DCLK2: variants seen among roughly 807,000 people sequenced by gnomAD.
The protein encoded by DCLK2 is doublecortin like kinase 2, also known as serine/threonine-protein kinase DCLK2.
In DCLK2, 31 loss-of-function variants were observed where a neutral mutation model predicts 78.4. The observed-to-expected ratio is 0.40, with a 90% CI of 0.30 to 0.53. The LOEUF (loss-of-function observed/expected upper bound fraction) is 0.53. Among genes scored for constraint, DCLK2 ranks in the 20% least tolerant of loss-of-function variants. DCLK2 has a pLI of 0.61. For missense variants in DCLK2, 872 were observed against 973.7 expected (o/e 0.90, Z 1.39); for synonymous variants, 407 against 374.9 (o/e 1.09, Z -0.99).
chr4:150,080,258 G>A (rs548967910), intron 1 of DCLK2, among the ~76,000 whole-genome samples: 1 of 152,222 alleles, frequency 6.6e-6, no homozygotes, highest in East Asian at 1.9e-4. Context: ...GAATGATAGA[G>A]GCCATTGGAT....
In DCLK2 at chr4:150,256,547, C is replaced by T; in HGVS notation, c.*300C>T. Reference sequence around the variant, plus strand: ...CAGTTTGTTGGACATTTTACAGCTTCACCAGGAGAATGTGCAACTTTATTC... The same window carrying T: ...CAGTTTGTTGGACATTTTACAGCTTTACCAGGAGAATGTGCAACTTTATTC... On this transcript the variant is annotated 3_prime_UTR_variant, in exon 16 of 16. Transcript: ENST00000296550. 2.7e-6 allele frequency: 1 copy of T among 368,156 alleles called. No individual in the cohort carries two copies. Among genetic ancestry groups the T allele is most frequent in the Non-Finnish European group, 4.8e-6 (1 of 206,610 alleles). The allele number at this position is 368,156 out of a possible 1,614,324, so 22.8% of individuals were successfully genotyped here.
At chr4:150,194,988 T>C (rs1289373920) in intron 3 of DCLK2, among the ~76,000 whole-genome samples, 1 of 149,110 alleles carries the variant, frequency 6.7e-6, no homozygotes, top group Non-Finnish European at 1.5e-5. Flanking sequence ...CCAAATTTGA[T>C]GGTTTCTATA....
chr4:150,134,800 A>G (rs1284106961), intron 2 of DCLK2, among the ~76,000 whole-genome samples: 2 of 152,136 alleles, frequency 1.3e-5, no homozygotes, highest in Admixed American at 1.3e-4. Flanking sequence ...TATTCTTGCC[A>G]TAGTTCCCCA....
In DCLK2 at chr4:150,240,769, GAA is replaced by G. The variant is rs34362156; in HGVS notation, c.1778+303_1778+304del. On this transcript the variant is annotated intron_variant, in intron 12 of 15. Transcript: ENST00000296550. ...TATAATAAAAAAAAAAAAAGAAAAA[GAA>G]AAAAAAAAATCAGAAAAAAAAAATT... 9.6e-4 allele frequency among the ~76,000 whole-genome samples: 132 copies of G among 136,900 alleles called. 2 individuals are homozygous for G. The East Asian group carries it at 0.018, about 19-fold the overall frequency. The allele number at this position is 136,900 out of a possible 152,430, so 89.8% of individuals were successfully genotyped here. A position where few individuals can be genotyped will look rare whatever the true frequency, so the allele number is the denominator to read the frequency against.
At chr4:150,138,658 G>A (rs997907033) in intron 2 of DCLK2, among the ~76,000 whole-genome samples, 12 of 143,204 alleles carry the variant, frequency 8.4e-5, no homozygotes, top group Non-Finnish European at 1.4e-4. Flanking sequence ...ACCTTATAGG[G>A]CAGATGGGAC....
intron 5 of DCLK2, among the ~76,000 whole-genome samples, chr4:150,212,097 C>T (rs943310634): frequency 6.6e-6 from 1 of 152,176 alleles, no homozygotes; most frequent in Admixed American, 6.5e-5. Context: ...TAAAATGTTT[C>T]GTGTTTTGAT....
chr4:150,217,566 G>A (rs1740817277), intron 5 of DCLK2, among the ~76,000 whole-genome samples: 1 of 152,176 alleles, frequency 6.6e-6, no homozygotes, highest in Non-Finnish European at 1.5e-5. Context: ...TTAAGCTTAG[G>A]TGCACCTATC....
intron 2 of DCLK2, among the ~76,000 whole-genome samples, chr4:150,148,379 G>T (rs1466694742): frequency 7.7e-6 from 1 of 129,604 alleles, no homozygotes; most frequent in East Asian, 2.6e-4. Context: ...GAAAATTCAT[G>T]TCTTTTTTTT....
At chr4:150,189,676 A>T (rs1738244495) in intron 2 of DCLK2, among the ~76,000 whole-genome samples, 1 of 152,198 alleles carries the variant, frequency 6.6e-6, no homozygotes, top group African/African-American at 2.4e-5. Context: ...AGTAAGTCCT[A>T]AATGTAAGTG....
At chr4:150,143,797 A>G (rs1734266305) in intron 2 of DCLK2, among the ~76,000 whole-genome samples, 1 of 152,006 alleles carries the variant, frequency 6.6e-6, no homozygotes, top group African/African-American at 2.4e-5. Flanking sequence ...CATTTCTCTG[A>G]CTAGTTATAT....
At chr4:150,096,652 G>T (rs1290956943) in intron 1 of DCLK2, among the ~76,000 whole-genome samples, 2 of 152,294 alleles carry the variant, frequency 1.3e-5, no homozygotes, top group Admixed American at 1.3e-4. Flanking sequence ...AGAGGATTAG[G>T]ACTGGTGTCC....
At chr4:150,187,893 C>G (rs9997489) in intron 2 of DCLK2, among the ~76,000 whole-genome samples, 132,638 of 151,122 alleles carry the variant, frequency 0.88, 58,595 homozygotes, top group Middle Eastern at 0.96. Flanking sequence ...TCTGCCTCCC[C>G]GGTTCAAGCG....
intron 8 of DCLK2, 112 bp downstream of exon 8, chr4:150,224,670 A>G (rs1306682279): frequency 8.9e-6 from 7 of 783,354 alleles, no homozygotes; most frequent in Non-Finnish European, 1.4e-5. Context: ...CAGCAGGAGT[A>G]GAGACCAGTA....
chr4:150,255,371 T>C (rs1160526762), intron 15 of DCLK2, among the ~76,000 whole-genome samples: 1 of 152,180 alleles, frequency 6.6e-6, no homozygotes, highest in Non-Finnish European at 1.5e-5. Context: ...GAACGCAAGG[T>C]GACTGCCTCA....
chr4:150,249,504 G>T, intron 14 of DCLK2, 64 bp from the exon 15 acceptor site: 1 of 1,455,030 alleles, frequency 6.9e-7, no homozygotes, highest in South Asian at 1.1e-5. Context: ...GGACTCTTAA[G>T]GAAAAGACAA....
At chr4:150,192,434 C>T (rs541077498) in intron 2 of DCLK2, among the ~76,000 whole-genome samples, 14 of 143,334 alleles carry the variant, frequency 9.8e-5, no homozygotes, top group African/African-American at 3.4e-4. Flanking sequence ...GAGCCGAAAT[C>T]GCACCACTGC....
intron 7 of DCLK2, among the ~76,000 whole-genome samples, chr4:150,223,931 A>G (rs1741396354): frequency 1.3e-5 from 2 of 152,008 alleles, no homozygotes; most frequent in African/African-American, 4.8e-5. Flanking sequence ...ATTATGGGCT[A>G]ATGTTGTTAA....
At chr4:150,146,415 C>T (rs773383489) in intron 2 of DCLK2, among the ~76,000 whole-genome samples, 8 of 152,186 alleles carry the variant, frequency 5.3e-5, no homozygotes, top group African/African-American at 9.6e-5. Flanking sequence ...CTGGAGAAAA[C>T]TGTGTGTAGC....
intron 2 of DCLK2, among the ~76,000 whole-genome samples, chr4:150,141,557 T>G (rs1403589578): frequency 6.6e-6 from 1 of 152,222 alleles, no homozygotes; most frequent in Non-Finnish European, 1.5e-5. Flanking sequence ...CTTACCATTT[T>G]ATCAACATCT....
Sources: gnomAD v4.1 joint callset for allele counts (sites outside exome capture counted in the v4.1 genomes callset) on GRCh38, gnomAD v4.1.1 for gene constraint, MANE v1.5 for transcripts, NCBI Gene and HGNC (gene_info 2026-07-23, HGNC 2026-07-21) for gene names.